Variants in TLK2 observed in about 807,000 individuals in gnomAD.
TLK2 encodes the protein serine/threonine-protein kinase tousled-like 2.
In TLK2, 6 loss-of-function variants were observed where a neutral mutation model predicts 117.3. That is an observed-to-expected ratio of 0.05 (90% CI 0.03 to 0.10). TLK2 has a LOEUF of 0.10. Ranked by LOEUF, TLK2 falls within the 10% of genes least tolerant of loss-of-function variation. The pLI is 1.00. For missense variants in TLK2, 299 were observed against 901.2 expected (o/e 0.33, Z 8.56); for synonymous variants, 257 against 316.7 (o/e 0.81, Z 2.00).
chr17:62,546,782 A>G (rs995997988), intron 7 of TLK2, among the ~76,000 whole-genome samples: 16 of 150,396 alleles, frequency 1.1e-4, no homozygotes, highest in African/African-American at 3.9e-4. Flanking sequence ...CTGGTCTCGA[A>G]CTCCTGACCT....
chr17:62,562,474 CATT>C (rs1396779428), intron 10 of TLK2, among the ~76,000 whole-genome samples: 1 of 151,996 alleles, frequency 6.6e-6, no homozygotes, highest in African/African-American at 2.4e-5. Context: ...AAAGACAACT[CATT>C]AATAATGAGC....
Position 62,524,321 on chromosome 17 carries a change from A to G in TLK2, c.353A>G (p.Asn118Ser). 1 of 1,612,726 alleles carries G rather than the reference A, an allele frequency of 6.2e-7. No individual in the cohort carries two copies. Among genetic ancestry groups the G allele is most frequent in the African/African-American group, 1.3e-5 (1 of 74,888 alleles). ...TCCTCACCGCAACATTCCTTATCCA[A>G]TCCCTTACCGGTAAGCATTCACCTG... is the stretch of plus-strand genomic sequence containing the variant. ...ARSSPQHSLS[N>S]PLPRRVEQPL... is the part of the protein sequence containing the mutation. Residue 118 changes from asparagine to serine, a missense_variant, in exon 6 of 22, where the codon AAT (asparagine) becomes AGT (serine). Asn to Ser is a conservative substitution (Grantham distance 46). Coordinates refer to ENST00000346027, the MANE Select transcript of TLK2 (RefSeq NM_006852.6).
At chr17:62,511,650 G>A (rs2075154036) in intron 2 of TLK2, among the ~76,000 whole-genome samples, 1 of 152,220 alleles carries the variant, frequency 6.6e-6, no homozygotes, top group Admixed American at 6.5e-5. Flanking sequence ...AATTACAGGT[G>A]TGAGCCACCG....
chr17:62,595,341 C>T lies in TLK2; in HGVS notation c.1461-1244C>T, dbSNP rs557803008. ...ATAACAAAATGATGTTATTTAAGGG[C>T]CTGCTGTATAGTAAATACATAAACC... is the stretch of plus-strand genomic sequence containing the variant. On this transcript the variant is annotated intron_variant, in intron 16 of 21. Coordinates refer to ENST00000346027, the MANE Select transcript of TLK2 (RefSeq NM_006852.6). 3.3e-5 allele frequency among the ~76,000 whole-genome samples: 5 copies of T among 149,780 alleles called. 1 individual carries two copies. The South Asian group carries it at 1.1e-3, about 32-fold the overall frequency.
intron 7 of TLK2, among the ~76,000 whole-genome samples, chr17:62,539,473 CTTTTTTTT>C (rs1047610954): frequency 1.5e-5 from 2 of 129,086 alleles, no homozygotes; most frequent in East Asian, 4.3e-4. Flanking sequence ...ACCTCCCTCT[CTTTTTTTT>C]TTTTTTTTTT....
In TLK2 at chr17:62,602,820, A is replaced by G. The variant is rs76034046; in HGVS notation, c.1859+640A>G. 2.6e-4 allele frequency among the ~76,000 whole-genome samples: 39 copies of G among 152,270 alleles called. 1 individual carries two copies. In the East Asian group the frequency reaches 7.5e-3, roughly 29 times the overall value. On this transcript the variant is annotated intron_variant, in intron 19 of 21. Transcript: ENST00000346027. The stretch of plus-strand genomic sequence containing the variant: ...CAGTTTTATGCTTCTATTTCTGCCT[A>G]CTATTACCTTTGGCCATTAGAACCA...
intron 2 of TLK2, chr17:62,508,574 G>T: frequency 1.0e-6 from 1 of 982,268 alleles, no homozygotes; most frequent in Non-Finnish European, 1.2e-6. Context: ...CTTACAAAAA[G>T]AAAATACTGG....
At chr17:62,549,420 A>AAAAAAAAAAAAAAAGT (rs2078246821) in intron 7 of TLK2, among the ~76,000 whole-genome samples, 6 of 7,468 alleles carry the variant, frequency 8.0e-4, no homozygotes, top group East Asian at 0.016. Context: ...AAAAAAAAAA[A>AAAAAAAAAAAAAAAGT]AAAAAAAAAA....
intron 1 of TLK2, among the ~76,000 whole-genome samples, chr17:62,480,640 T>C (rs2144315437): frequency 6.6e-6 from 1 of 152,324 alleles, no homozygotes; most frequent in East Asian, 1.9e-4. Context: ...TTTGCAGTTA[T>C]TTGTAGCTTC....
intron 2 of TLK2, among the ~76,000 whole-genome samples, chr17:62,517,801 G>C (rs1027065186): frequency 6.6e-6 from 1 of 152,120 alleles, no homozygotes; most frequent in Non-Finnish European, 1.5e-5. Flanking sequence ...AGGTTCAAGC[G>C]ACTGTCCTGC....
chr17:62,478,085 C>A (rs1399020419), upstream of TLK2: 1 of 151,926 alleles, frequency 6.6e-6, no homozygotes, highest in Admixed American at 6.6e-5. Flanking sequence ...CAGCCAGGTA[C>A]GTGGAGGGAG....
chr17:62,480,828 AC>A (rs2071556485), intron 1 of TLK2, among the ~76,000 whole-genome samples: 1 of 152,188 alleles, frequency 6.6e-6, no homozygotes. Context: ...CTCAACTTTT[AC>A]AGAAATTATA....
At chr17:62,504,958 C>A (rs1007894392) in intron 2 of TLK2, among the ~76,000 whole-genome samples, 1 of 152,010 alleles carries the variant, frequency 6.6e-6, no homozygotes, top group Non-Finnish European at 1.5e-5. Flanking sequence ...ATTCTTCTTC[C>A]TTAACCACCT....
At position 62,583,703 on chromosome 17, in the gene TLK2, G is replaced by A. The variant is rs1043754143; in HGVS notation, c.1369-2432G>A. ...AGTGATTCTCCTGGCTCAGCCTCCC[G>A]AGTAGCTGGGATTACAGGCGCCCGA... On this transcript the variant is annotated intron_variant, in intron 15 of 21. Transcript: ENST00000346027. 2.6e-5 allele frequency among the ~76,000 whole-genome samples: 4 copies of A among 151,564 alleles called. No individual in the cohort carries two copies. In the South Asian group the frequency reaches 6.3e-4, roughly 24 times the overall value.
intron 2 of TLK2, among the ~76,000 whole-genome samples, chr17:62,482,281 A>G (rs2071752825): frequency 2.0e-5 from 3 of 151,984 alleles, no homozygotes; most frequent in Admixed American, 6.6e-5. Flanking sequence ...GTGATACAAC[A>G]TTTGTTTCTG....
intron 12 of TLK2, among the ~76,000 whole-genome samples, chr17:62,575,208 G>A (rs566998809): frequency 6.6e-6 from 1 of 152,306 alleles, no homozygotes; most frequent in Non-Finnish European, 1.5e-5. Flanking sequence ...ATCCAATCTG[G>A]AAGACTTTCA....
chr17:62,517,368 T>C (rs2075682235), intron 2 of TLK2, among the ~76,000 whole-genome samples: 1 of 152,220 alleles, frequency 6.6e-6, no homozygotes, highest in South Asian at 2.1e-4. Flanking sequence ...TTGATTACTA[T>C]AGCTTTGTAA....
chr17:62,552,161 C>T, intron 7 of TLK2, 141 bp from the exon 8 acceptor site: 1 of 876,260 alleles, frequency 1.1e-6, no homozygotes, highest in South Asian at 1.7e-5. Context: ...TCTTCTTGGC[C>T]ACGTGGCCCT....
intron 6 of TLK2, among the ~76,000 whole-genome samples, chr17:62,530,621 C>G (rs1190645991): frequency 6.6e-6 from 1 of 152,056 alleles, no homozygotes; most frequent in East Asian, 1.9e-4. Flanking sequence ...TTTATTTTGC[C>G]TTTTTTTGGT....
Sources: allele counts gnomAD v4.1 joint callset (sites outside exome capture counted in the v4.1 genomes callset), GRCh38; gene constraint gnomAD v4.1.1; transcripts MANE v1.5; gene names NCBI Gene and HGNC (gene_info 2026-07-23, HGNC 2026-07-21).